The following RPS24 variants were observed in gnomAD, a reference collection of about 807,000 sequenced individuals.
The protein encoded by RPS24 is ribosomal protein S24, also known as small ribosomal subunit protein eS24.
For missense variants in RPS24, 100 were observed against 162.5 expected, an observed-to-expected ratio of 0.62 and a Z score of 2.09; for synonymous variants, 72 against 55.6, an observed-to-expected ratio of 1.30 and a Z score of -1.31.
rs1848038548 is a variant in RPS24, at chr10:78,045,902, G to A, written c.390+8598G>A. 3.3e-5 allele frequency among the ~76,000 whole-genome samples: 5 copies of A among 151,944 alleles called. No homozygotes were observed. The South Asian group carries it at 8.3e-4, about 25-fold the overall frequency. On this transcript the variant is annotated intron_variant, in intron 4 of 4. Transcript: ENST00000440692. ...CTGTAATCTCAATTACTCAGGAGGT[G>A]GAGGCACGAGAATTGCTTGAACCCA...
chr10:78,049,904 G>A (rs1848082416), intron 4 of RPS24, among the ~76,000 whole-genome samples: 1 of 152,200 alleles, frequency 6.6e-6, no homozygotes, highest in African/African-American at 2.4e-5. Context: ...TCAGGCAGAT[G>A]TGGGAGCACA....
intron 3 of RPS24, chr10:78,036,175 CAAGT>C (rs979839943): frequency 1.1e-4 from 24 of 209,526 alleles, no homozygotes; most frequent in Middle Eastern, 2.2e-3. Context: ...TTCTAGTAAA[CAAGT>C]AAGCATCATC....
intron 4 of RPS24, chr10:78,049,115 A>G (rs1280160701): frequency 1.3e-5 from 2 of 152,144 alleles, no homozygotes; most frequent in Non-Finnish European, 2.9e-5. Context: ...CCTTCAGCTC[A>G]TTCATGCTGG....
intron 4 of RPS24, chr10:78,039,993 T>C (rs1847958193): frequency 1.5e-6 from 1 of 649,730 alleles, no homozygotes; most frequent in Admixed American, 2.2e-5. Flanking sequence ...ACTACAGTAA[T>C]CAGGCAAGGC....
chr10:78,036,881 C>T (rs1244284616), intron 3 of RPS24, among the ~76,000 whole-genome samples: 1 of 152,068 alleles, frequency 6.6e-6, no homozygotes, highest in Non-Finnish European at 1.5e-5. Context: ...TCGGAGGTGC[C>T]TTGTTTTGGT....
chr10:78,040,086 T>G, intron 4 of RPS24, 118 bp from the exon 5 acceptor site: 1 of 921,194 alleles, frequency 1.1e-6, no homozygotes, highest in East Asian at 2.4e-5. Context: ...ATGGTCATCT[T>G]TAAGGTACCT....
downstream of RPS24, among the ~76,000 whole-genome samples, chr10:78,044,451 A>C (rs1848021064): frequency 6.6e-6 from 1 of 152,130 alleles, no homozygotes; most frequent in Admixed American, 6.6e-5. Context: ...AGAGTTTTGC[A>C]CAATGCATTT....
chr10:78,037,640 C>T (rs1021503412), intron 4 of RPS24: 38 of 332,954 alleles, frequency 1.1e-4, no homozygotes, highest in African/African-American at 7.8e-4. Flanking sequence ...GAGCGGATCC[C>T]ATTCCCTGTG....
At chr10:78,033,965 G>T (rs11813738) in intron 1 of RPS24, 61 bp downstream of exon 1, 174 of 1,604,846 alleles carry the variant, frequency 1.1e-4, no homozygotes, top group Non-Finnish European at 1.4e-4. Flanking sequence ...GTGGTCCCTG[G>T]GTCCCAGTAC....
intron 4 of RPS24, among the ~76,000 whole-genome samples, chr10:78,049,987 G>A (rs1255073543): frequency 6.6e-6 from 1 of 152,180 alleles, no homozygotes; most frequent in Non-Finnish European, 1.5e-5. Flanking sequence ...CCTTTCAGCA[G>A]AAACCTCCCA....
intron 3 of RPS24, 83 bp from the exon 4 acceptor site, chr10:78,037,111 G>C: frequency 1.3e-6 from 2 of 1,521,896 alleles, no homozygotes; most frequent in Middle Eastern, 2.3e-4. Flanking sequence ...CTTAAGCTCA[G>C]ACTGGGTCAG....
chr10:78,043,592 C>T (rs1317257000), downstream of RPS24, among the ~76,000 whole-genome samples: 6 of 139,776 alleles, frequency 4.3e-5, no homozygotes, highest in Admixed American at 1.4e-4. Flanking sequence ...TTACTGACCA[C>T]CTGCTGTGTC....
chr10:78,054,211 A>C (rs1457022638), intron 4 of RPS24, among the ~76,000 whole-genome samples: 1 of 151,914 alleles, frequency 6.6e-6, no homozygotes, highest in Admixed American at 6.6e-5. Flanking sequence ...GGCCATGAAG[A>C]AGGAGTGGGA....
intron 4 of RPS24, among the ~76,000 whole-genome samples, chr10:78,053,566 T>G (rs946663255): frequency 6.6e-6 from 1 of 152,034 alleles, no homozygotes; most frequent in Admixed American, 6.5e-5. Context: ...CCTAATATCT[T>G]TGGGTGGAAG....
intron 4 of RPS24, chr10:78,038,657 G>A (rs1204824022): frequency 1.3e-5 from 2 of 151,224 alleles, no homozygotes; most frequent in Non-Finnish European, 2.9e-5. Context: ...TACCTCATTT[G>A]TTTATTTTTT....
At chr10:78,050,237 C>T (rs1161562811) in intron 4 of RPS24, among the ~76,000 whole-genome samples, 1 of 152,144 alleles carries the variant, frequency 6.6e-6, no homozygotes, top group Non-Finnish European at 1.5e-5. Context: ...GATTTTATTG[C>T]TCCCCATTCC....
At chr10:78,034,598 T>G (rs1847820108) in intron 1 of RPS24, among the ~76,000 whole-genome samples, 1 of 152,224 alleles carries the variant, frequency 6.6e-6, no homozygotes, top group Non-Finnish European at 1.5e-5. Context: ...TCTAGGAAGT[T>G]ATTTGCTGCC....
downstream of RPS24, among the ~76,000 whole-genome samples, chr10:78,042,482 A>G (rs139200157): frequency 2.1e-4 from 32 of 152,354 alleles, no homozygotes; most frequent in African/African-American, 6.3e-4. Context: ...GTGCTAAGCA[A>G]TTGTTTGTCA....
At chr10:78,037,641 A>G (rs1290574032) in intron 4 of RPS24, 1 of 331,824 alleles carries the variant, frequency 3.0e-6, no homozygotes, top group Admixed American at 4.6e-5. Flanking sequence ...AGCGGATCCC[A>G]TTCCCTGTGA....
Sources: allele counts gnomAD v4.1 joint callset (sites outside exome capture counted in the v4.1 genomes callset), GRCh38; gene constraint gnomAD v4.1.1; transcripts MANE v1.5; gene names NCBI Gene and HGNC (gene_info 2026-07-23, HGNC 2026-07-21).